ROS1: variants seen among roughly 807,000 people sequenced by gnomAD.
ROS1 encodes the protein ROS proto-oncogene 1, receptor tyrosine kinase.
ROS1 carries 263 observed loss-of-function variants against 273.5 expected under a neutral mutation model. That is an observed-to-expected ratio of 0.96 (90% CI 0.87 to 1.06). The LOEUF is 1.06. Ranked by LOEUF, ROS1 falls within the 50% of genes least tolerant of loss-of-function variation. The pLI is 0.00. For missense variants in ROS1, 2,833 were observed against 2,751.1 expected (o/e 1.03, Z -0.67); for synonymous variants, 1,008 against 954.1 (o/e 1.06, Z -1.04).
At chr6:117,304,862 T>C (rs546154638) in intron 42 of ROS1, among the ~76,000 whole-genome samples, 1 of 152,098 alleles carries the variant, frequency 6.6e-6, no homozygotes, top group South Asian at 2.1e-4. Context: ...GTGATAAGAG[T>C]TCTTATGAGA....
chr6:117,404,216 G>C, intron 6 of ROS1, 64 bp downstream of exon 6: 1 of 1,378,218 alleles, frequency 7.3e-7, no homozygotes, highest in Non-Finnish European at 1.0e-6. Flanking sequence ...GCGAGACTCC[G>C]TCTCAAAAAA....
chr6:117,292,071 G>A (rs1562241629), intron 43 of ROS1, among the ~76,000 whole-genome samples: 2 of 151,548 alleles, frequency 1.3e-5, no homozygotes, highest in Admixed American at 6.6e-5. Flanking sequence ...CCAGGTTCAC[G>A]CCATTCTCCT....
intron 3 of ROS1, 31 bp downstream of exon 3, chr6:117,416,227 G>A (rs2243): frequency 0.32 from 407,255 of 1,270,660 alleles, 70,443 homozygotes; most frequent in African/African-American, 0.56. Flanking sequence ...AGAAACATCA[G>A]TATCAAAATA....
chr6:117,358,032 A>T, intron 24 of ROS1, 23 bp from the exon 25 acceptor site: 1 of 1,502,292 alleles, frequency 6.7e-7, no homozygotes, highest in Non-Finnish European at 9.2e-7. Context: ...TAGAGAACAC[A>T]GCCAAGAAGA....
intron 31 of ROS1, 58 bp from the exon 32 acceptor site, chr6:117,337,398 A>T: frequency 7.4e-7 from 1 of 1,356,296 alleles, no homozygotes; most frequent in Non-Finnish European, 1.0e-6. Flanking sequence ...TTCTTAAAAC[A>T]CAAAAATGTA....
At chr6:117,315,714 C>T (rs1298797329) in intron 39 of ROS1, among the ~76,000 whole-genome samples, 1 of 152,046 alleles carries the variant, frequency 6.6e-6, no homozygotes, top group African/African-American at 2.4e-5. Context: ...AACAAAAAGT[C>T]ATGAGATACA....
chr6:117,297,829 A>C (rs1249579643), intron 43 of ROS1, among the ~76,000 whole-genome samples: 1 of 152,154 alleles, frequency 6.6e-6, no homozygotes, highest in Non-Finnish European at 1.5e-5. Flanking sequence ...CAAAAAGCTA[A>C]AAATATGATC....
chr6:117,404,986 T>C (rs930860562), intron 5 of ROS1, among the ~76,000 whole-genome samples: 1 of 152,248 alleles, frequency 6.6e-6, no homozygotes, highest in Non-Finnish European at 1.5e-5. Context: ...CGTATTACAA[T>C]TGGCAGCAAT....
At chr6:117,346,133 A>C (rs1347077841) in intron 27 of ROS1, among the ~76,000 whole-genome samples, 2 of 152,224 alleles carry the variant, frequency 1.3e-5, no homozygotes, top group Non-Finnish European at 2.9e-5. Context: ...GAGCAATCAG[A>C]GCAATTATCT....
chr6:117,386,995 A>G lies in ROS1; in HGVS notation c.2004T>C (p.Ser668=), dbSNP rs112120894. 2,020 of 1,590,408 alleles carry G rather than the reference A, an allele frequency of 1.3e-3. 19 individuals are homozygous for G. In the African/African-American group the frequency reaches 0.02, roughly 16 times the overall value. The change falls in exon 15 of 44, where the codon AGT becomes AGC. Residue 668 remains serine (S), a synonymous_variant. Coordinates refer to ENST00000368507, the MANE Select transcript of ROS1 (RefSeq NM_001378902.1). ...PSVGTTLVPA[S]EPPFIMAVKE... is the part of the protein sequence containing the mutation. ...TCACAGCCATGATAAATGGTGGTTC[A>G]CTAGCTGTTTAGTAAAAAAGAAATT...
chr6:117,292,522 C>A (rs1773914515), intron 43 of ROS1, among the ~76,000 whole-genome samples: 1 of 152,156 alleles, frequency 6.6e-6, no homozygotes, highest in Non-Finnish European at 1.5e-5. Context: ...TAAGCCCCTC[C>A]TATACCGGCT....
chr6:117,317,383 G>C, intron 38 of ROS1, 111 bp from the exon 39 acceptor site: 1 of 1,254,592 alleles, frequency 8.0e-7, no homozygotes. Context: ...CAAAACCCCT[G>C]ACTTAGTGTC....
intron 7 of ROS1, among the ~76,000 whole-genome samples, chr6:117,398,815 C>G (rs1468433719): frequency 6.7e-6 from 1 of 149,888 alleles, no homozygotes; most frequent in African/African-American, 2.5e-5. Flanking sequence ...TCTACTAAAA[C>G]TACAAAAAGT....
In ROS1 at chr6:117,414,533, C is replaced by T. The variant is rs780836303; in HGVS notation, c.241G>A (p.Ala81Thr). 4.1e-6 allele frequency: 3 copies of T among 728,586 alleles called. No homozygotes were observed. The African/African-American group carries it at 5.5e-5, about 13-fold the overall frequency. 45.1% of individuals were successfully genotyped at this position (728,586 alleles called of 1,614,324 possible). Residue 81 changes from alanine (A) to threonine (T), a missense_variant, in exon 4 of 44, where the codon GCC (alanine) becomes ACC (threonine). By Grantham distance (58) the Ala-to-Thr change is moderately conservative. Coordinates refer to ENST00000368507, the MANE Select transcript of ROS1 (RefSeq NM_001378902.1). ...NCALKCNDTY[A>T]TVCERESCEV... ...TGCCAACTCACCTCACAAACGGTGG[C>T]ATAAGTATCATTCTGCATAGAAAAA...
At chr6:117,366,809 TC>T (rs1780288103) in intron 18 of ROS1, among the ~76,000 whole-genome samples, 1 of 152,166 alleles carries the variant, frequency 6.6e-6, no homozygotes, top group African/African-American at 2.4e-5. Context: ...CACTGTGCTC[TC>T]TGGGGGCTTT....
chr6:117,320,486 C>T (rs1012014920), intron 36 of ROS1, among the ~76,000 whole-genome samples: 2 of 152,062 alleles, frequency 1.3e-5, no homozygotes, highest in Non-Finnish European at 1.5e-5. Context: ...AAAATCAACC[C>T]CATCACCATA....
intron 26 of ROS1, among the ~76,000 whole-genome samples, chr6:117,356,028 G>T (rs1779280071): frequency 6.6e-6 from 1 of 152,074 alleles, no homozygotes; most frequent in Admixed American, 6.6e-5. Context: ...TTTTTCTGTT[G>T]AATTACTCCT....
intron 10 of ROS1, 97 bp from the exon 11 acceptor site, chr6:117,394,443 T>C (rs1773327259): frequency 9.1e-6 from 8 of 877,100 alleles, no homozygotes; most frequent in Middle Eastern, 3.4e-4. Flanking sequence ...ATTAATAAAT[T>C]AAAATAGAAG....
At chr6:117,311,141 A>G in intron 39 of ROS1, 24 bp from the exon 40 acceptor site, 2 of 1,416,544 alleles carry the variant, frequency 1.4e-6, no homozygotes, top group East Asian at 2.3e-5. Flanking sequence ...AAGAAAAATT[A>G]CAGGTAGTTA....
Sources: allele counts gnomAD v4.1 joint callset (sites outside exome capture counted in the v4.1 genomes callset), GRCh38; gene constraint gnomAD v4.1.1; transcripts MANE v1.5; gene names NCBI Gene and HGNC (gene_info 2026-07-23, HGNC 2026-07-21).